Variants in PM20D2 observed in about 807,000 individuals in gnomAD.
The protein encoded by PM20D2 is xaa-Arg dipeptidase.
A neutral mutation model predicts 42.9 loss-of-function variants in PM20D2; 33 were observed. The observed-to-expected ratio is 0.77, with a 90% CI of 0.58 to 1.03. PM20D2 has a LOEUF of 1.03. PM20D2 is among the 50% of genes least tolerant of loss of function. The probability of loss-of-function intolerance (pLI) is 0.00; values close to 1 mark genes in which losing one functional copy is unlikely to be tolerated. For synonymous variants in PM20D2, 250 were observed against 228.2 expected, an observed-to-expected ratio of 1.10 and a Z score of -0.86; for missense variants, 548 against 557.0, an observed-to-expected ratio of 0.98 and a Z score of 0.16.
the PM20D2 span, among the ~76,000 whole-genome samples, chr6:89,133,079 A>C: frequency 6.7e-6 from 1 of 149,398 alleles, no homozygotes; most frequent in African/African-American, 2.5e-5. Flanking sequence ...TTTTTTTTTA[A>C]TTAGCCAGGC....
the PM20D2 span, chr6:89,118,049 G>T: frequency 4.3e-6 from 2 of 463,474 alleles, no homozygotes; most frequent in Non-Finnish European, 6.4e-6. Flanking sequence ...CGGCGCAGAG[G>T]GGGCGCAGCG....
At chr6:89,101,868 C>T in the PM20D2 span, among the ~76,000 whole-genome samples, 4 of 151,826 alleles carry the variant, frequency 2.6e-5, no homozygotes, top group African/African-American at 9.7e-5. Context: ...GAATTCTATC[C>T]TCAGCAAAAA....
the PM20D2 span, among the ~76,000 whole-genome samples, chr6:89,099,384 A>G: frequency 1.3e-5 from 1 of 75,602 alleles, no homozygotes; most frequent in East Asian, 5.8e-4. Flanking sequence ...CATAGAAAAC[A>G]GCTCTCTCTC....
chr6:89,139,142 T>C, the PM20D2 span, among the ~76,000 whole-genome samples: 1 of 152,108 alleles, frequency 6.6e-6, no homozygotes, highest in African/African-American at 2.4e-5. Flanking sequence ...CAGGCTGGAG[T>C]GCAGTGGCAC....
chr6:89,131,900 C>T, the PM20D2 span, among the ~76,000 whole-genome samples: 1 of 152,116 alleles, frequency 6.6e-6, no homozygotes, highest in Non-Finnish European at 1.5e-5. Context: ...TCCAGTTGGC[C>T]AGAAGCTGAC....
intron 4 of PM20D2, 59 bp downstream of exon 4, chr6:89,154,961 C>CA (rs1770987214): frequency 7.5e-7 from 1 of 1,325,164 alleles, no homozygotes; most frequent in Non-Finnish European, 9.9e-7. Flanking sequence ...TGGGCTAGCA[C>CA]TGTTAGATTG....
the PM20D2 span, among the ~76,000 whole-genome samples, chr6:89,117,669 G>C: frequency 8.6e-5 from 13 of 151,932 alleles, no homozygotes; most frequent in Non-Finnish European, 5.9e-5. Context: ...GGAGTAGTCC[G>C]AGGGCTCACA....
At chr6:89,115,631 C>CT in the PM20D2 span, among the ~76,000 whole-genome samples, 2,402 of 128,958 alleles carry the variant, frequency 0.019, 47 homozygotes, top group African/African-American at 0.035. Context: ...TTTTTTCTTT[C>CT]TTTTTTTTTT....
chr6:89,151,389 C>G (rs901015203), intron 2 of PM20D2, among the ~76,000 whole-genome samples: 1 of 151,952 alleles, frequency 6.6e-6, no homozygotes, highest in Non-Finnish European at 1.5e-5. Context: ...ACCACCACAC[C>G]CAGCTAATTT....
At chr6:89,105,137 C>T in the PM20D2 span, 14 of 1,611,968 alleles carry the variant, frequency 8.7e-6, no homozygotes, top group East Asian at 2.2e-5. Flanking sequence ...GCTGTCTGAC[C>T]GCCTCCTATT....
the PM20D2 span, among the ~76,000 whole-genome samples, chr6:89,107,675 G>A: frequency 5.9e-4 from 90 of 152,256 alleles, no homozygotes; most frequent in Middle Eastern, 3.4e-3. Context: ...GGTTGAGGCT[G>A]CAGTGAGCCA....
intron 5 of PM20D2, 123 bp from the exon 6 acceptor site, chr6:89,161,660 C>T (rs1261423242): frequency 1.9e-5 from 14 of 721,428 alleles, no homozygotes; most frequent in East Asian, 5.4e-5. Context: ...CATGAGCATA[C>T]GGACAACTCT....
the PM20D2 span, among the ~76,000 whole-genome samples, chr6:89,110,178 A>G: frequency 6.6e-6 from 1 of 152,176 alleles, no homozygotes; most frequent in Non-Finnish European, 1.5e-5. Flanking sequence ...TCTGTTACCA[A>G]TGGAGGGTCT....
At chr6:89,104,544 A>AT in the PM20D2 span, among the ~76,000 whole-genome samples, 287 of 150,756 alleles carry the variant, frequency 1.9e-3, 3 homozygotes, top group African/African-American at 6.3e-3. Flanking sequence ...CTGAGTATGT[A>AT]TTTTTTTTTA....
At chr6:89,159,449 T>C (rs1232521786) in intron 5 of PM20D2, among the ~76,000 whole-genome samples, 1 of 152,186 alleles carries the variant, frequency 6.6e-6, no homozygotes, top group Non-Finnish European at 1.5e-5. Context: ...CTCTAGTAAT[T>C]AGAAATTCAT....
chr6:89,104,567 G>T, the PM20D2 span, among the ~76,000 whole-genome samples: 1 of 150,300 alleles, frequency 6.7e-6, no homozygotes, highest in African/African-American at 2.5e-5. Context: ...TTTTTTTTCT[G>T]CTCACTATAT....
chr6:89,117,231 C>T, the PM20D2 span, among the ~76,000 whole-genome samples: 2 of 152,124 alleles, frequency 1.3e-5, no homozygotes, highest in African/African-American at 2.4e-5. Flanking sequence ...TAAAGAAAAA[C>T]GCACTGATCT....
At chr6:89,095,131 T>G in the PM20D2 span, among the ~76,000 whole-genome samples, 1 of 152,224 alleles carries the variant, frequency 6.6e-6, no homozygotes. Context: ...CAGACAGTAC[T>G]GCATTAAGTA....
the PM20D2 span, among the ~76,000 whole-genome samples, chr6:89,124,300 C>G: frequency 6.6e-6 from 1 of 152,186 alleles, no homozygotes; most frequent in Non-Finnish European, 1.5e-5. Flanking sequence ...AGTTTTAACT[C>G]TCACACTATG....
Sources: gnomAD v4.1 joint callset for allele counts (sites outside exome capture counted in the v4.1 genomes callset) on GRCh38, gnomAD v4.1.1 for gene constraint, MANE v1.5 for transcripts, NCBI Gene and HGNC (gene_info 2026-07-23, HGNC 2026-07-21) for gene names.